Variants in FOXP1 observed in about 807,000 individuals in gnomAD.
FOXP1 encodes the protein forkhead box protein P1.
FOXP1 carries 15 observed loss-of-function variants against 98.2 expected under a neutral mutation model. That is an observed-to-expected ratio of 0.15 (90% CI 0.10 to 0.24). The LOEUF is 0.24. FOXP1 is among the 10% of genes least tolerant of loss of function. FOXP1 has a pLI of 1.00. For missense variants in FOXP1, 633 were observed against 848.5 expected, an observed-to-expected ratio of 0.75 and a Z score of 3.15; for synonymous variants, 371 against 314.5, an observed-to-expected ratio of 1.18 and a Z score of -1.90.
At chr3:71,353,103 A>G (rs1733529) in intron 4 of FOXP1, among the ~76,000 whole-genome samples, 43,995 of 151,814 alleles carry the variant, frequency 0.29, 6,572 homozygotes, top group African/African-American at 0.33. Flanking sequence ...CTGGCATTAA[A>G]AAATTCAGCC....
At chr3:71,501,386 C>A (rs1223361833) in intron 2 of FOXP1, among the ~76,000 whole-genome samples, 1 of 151,140 alleles carries the variant, frequency 6.6e-6, no homozygotes, top group Non-Finnish European at 1.5e-5. Flanking sequence ...CCTCCGACTC[C>A]CTGGTTCAAG....
intron 6 of FOXP1, among the ~76,000 whole-genome samples, chr3:71,116,926 A>G (rs987609902): frequency 6.6e-6 from 1 of 152,136 alleles, no homozygotes; most frequent in Admixed American, 6.5e-5. Flanking sequence ...TCAGTGGAAA[A>G]TGTGGAATGA....
intron 5 of FOXP1, among the ~76,000 whole-genome samples, chr3:71,273,594 C>T (rs780806783): frequency 3.9e-5 from 6 of 152,262 alleles, no homozygotes; most frequent in South Asian, 2.1e-4. Flanking sequence ...TTTCAGTATC[C>T]GAGAACAAAG....
At chr3:71,037,795 T>C (rs1423475980) in intron 11 of FOXP1, among the ~76,000 whole-genome samples, 1 of 152,208 alleles carries the variant, frequency 6.6e-6, no homozygotes, top group Non-Finnish European at 1.5e-5. Context: ...AAGCCTTGAT[T>C]TGAACGCTGG....
At chr3:71,536,959 T>A (rs894765020) in intron 2 of FOXP1, among the ~76,000 whole-genome samples, 2 of 152,118 alleles carry the variant, frequency 1.3e-5, no homozygotes, top group African/African-American at 4.8e-5. Flanking sequence ...CCCTGCTGAC[T>A]CTGCCTCCTG....
chr3:71,059,946 A>C (rs571154349), intron 7 of FOXP1, among the ~76,000 whole-genome samples: 9 of 152,274 alleles, frequency 5.9e-5, no homozygotes, highest in African/African-American at 2.2e-4. Context: ...AAAATAAATA[A>C]AAGATAACTT....
chr3:71,107,782 G>T (rs2107711408), intron 7 of FOXP1, among the ~76,000 whole-genome samples: 1 of 152,222 alleles, frequency 6.6e-6, no homozygotes, highest in Non-Finnish European at 1.5e-5. Context: ...GAATAACGTG[G>T]AAATGATATG....
At position 71,309,286 on chromosome 3, in the gene FOXP1, C is replaced by T. The variant is rs563601534; in HGVS notation, c.-72-9406G>A. 1.4e-4 allele frequency among the ~76,000 whole-genome samples: 21 copies of T among 151,910 alleles called. No homozygotes were observed. In the South Asian group the frequency reaches 3.1e-3, roughly 23 times the overall value. ...ATATAAAATATGGTCGAAATCACTG[C>T]GCTAAGAAAAAAGAAAAGCTGATTC... On this transcript the variant is annotated intron_variant, in intron 4 of 20. Coordinates refer to ENST00000649528, the MANE Select transcript of FOXP1 (RefSeq NM_001349338.3).
chr3:71,549,727 T>C (rs1023324816), intron 2 of FOXP1, among the ~76,000 whole-genome samples: 5 of 152,152 alleles, frequency 3.3e-5, no homozygotes, highest in Admixed American at 1.3e-4. Context: ...GTTCACAGGT[T>C]AGATATAATG....
At chr3:71,236,938 TA>T (rs2066836808) in intron 5 of FOXP1, among the ~76,000 whole-genome samples, 1 of 150,466 alleles carries the variant, frequency 6.6e-6, no homozygotes, top group Non-Finnish European at 1.5e-5. Context: ...AAACTGGTTT[TA>T]AAAATACAAT....
intron 5 of FOXP1, among the ~76,000 whole-genome samples, chr3:71,222,082 G>A (rs1431763365): frequency 3.3e-5 from 5 of 152,164 alleles, no homozygotes; most frequent in African/African-American, 9.7e-5. Flanking sequence ...GAACCCGGGA[G>A]GTGAAGGTTG....
intron 2 of FOXP1, among the ~76,000 whole-genome samples, chr3:71,507,878 A>C (rs2041939276): frequency 6.6e-6 from 1 of 152,174 alleles, no homozygotes; most frequent in Admixed American, 6.5e-5. Flanking sequence ...TACCCAGCCC[A>C]AAACTGCTAC....
intron 4 of FOXP1, among the ~76,000 whole-genome samples, chr3:71,353,334 T>C (rs1327827041): frequency 6.6e-6 from 1 of 152,210 alleles, no homozygotes; most frequent in Non-Finnish European, 1.5e-5. Context: ...AAGTCTCATA[T>C]TACACGGATC....
At chr3:71,439,028 GCTC>G (rs1560488640) in intron 3 of FOXP1, among the ~76,000 whole-genome samples, 1 of 152,158 alleles carries the variant, frequency 6.6e-6, no homozygotes, top group Non-Finnish European at 1.5e-5. Context: ...GAAGACACCA[GCTC>G]GCTGCTCTCA....
intron 5 of FOXP1, among the ~76,000 whole-genome samples, chr3:71,268,239 C>T (rs371510144): frequency 2.0e-5 from 3 of 151,474 alleles, no homozygotes; most frequent in African/African-American, 7.3e-5. Flanking sequence ...TATAGGCGCC[C>T]GCCACCTCGC....
At position 71,462,623 on chromosome 3, in the gene FOXP1, T is replaced by C. The variant is rs140362225; in HGVS notation, c.-168+30803A>G. 1.6e-3 allele frequency among the ~76,000 whole-genome samples: 237 copies of C among 152,306 alleles called. 2 individuals carry two copies. The highest frequency in any genetic ancestry group is 5.5e-3 in the African/African-American group (227 of 41,566). On this transcript the variant is annotated intron_variant, in intron 3 of 20. Coordinates refer to ENST00000649528, the MANE Select transcript of FOXP1 (RefSeq NM_001349338.3). The stretch of plus-strand genomic sequence containing the variant: ...CAGGTGTCTTCAGCCAAAACCTCCG[T>C]AGAATTTAAAAATCAGTGAAGATGT...
chr3:71,401,987 T>C (rs1327406665), intron 3 of FOXP1, among the ~76,000 whole-genome samples: 1 of 152,134 alleles, frequency 6.6e-6, no homozygotes, highest in Non-Finnish European at 1.5e-5. Flanking sequence ...CACCAGGCTA[T>C]AAACGCCATG....
chr3:71,237,231 GAAAAAAAAAAAAAAAAAAAAAAA>G (rs757405755), intron 5 of FOXP1, among the ~76,000 whole-genome samples: 2 of 28,270 alleles, frequency 7.1e-5, no homozygotes, highest in South Asian at 3.2e-3. Flanking sequence ...GACTCCATCT[GAAAAAAAAAAAAAAAAAAAAAAA>G]AAAAAAAAAA....
intron 6 of FOXP1, among the ~76,000 whole-genome samples, chr3:71,146,529 A>T (rs2060315625): frequency 6.6e-6 from 1 of 152,160 alleles, no homozygotes; most frequent in African/African-American, 2.4e-5. Flanking sequence ...AAAAAATAAA[A>T]ATCTGATTGA....
Sources: gnomAD v4.1 joint callset for allele counts (sites outside exome capture counted in the v4.1 genomes callset) on GRCh38, gnomAD v4.1.1 for gene constraint, MANE v1.5 for transcripts, NCBI Gene and HGNC (gene_info 2026-07-23, HGNC 2026-07-21) for gene names.